Variants in NEK1 observed in about 807,000 individuals in gnomAD.
The protein encoded by NEK1 is serine/threonine-protein kinase Nek1.
In NEK1, 137 loss-of-function variants were observed where a neutral mutation model predicts 182.1. The ratio of observed to expected loss-of-function variants is 0.75; its 90% CI spans 0.65 to 0.87. The LOEUF is 0.87. Among genes scored for constraint, NEK1 ranks in the 40% least tolerant of loss-of-function variants. The probability of loss-of-function intolerance (pLI) is 0.00; values close to 1 mark genes in which losing one functional copy is unlikely to be tolerated. For synonymous variants in NEK1, 513 were observed against 492.2 expected, an observed-to-expected ratio of 1.04 and a Z score of -0.56; for missense variants, 1,391 against 1,494.4, an observed-to-expected ratio of 0.93 and a Z score of 1.14.
Position 169,565,817 on chromosome 4 carries a change from G to A in NEK1, c.1021-3621C>T, listed in dbSNP as rs1763587810. Among the ~76,000 whole-genome samples, 3 of 151,606 alleles carry A rather than the reference G, an allele frequency of 2.0e-5. No homozygotes were observed. In the South Asian group the frequency reaches 6.2e-4, roughly 31 times the overall value. On this transcript the variant is annotated intron_variant, in intron 12 of 35. Coordinates refer to ENST00000507142, the MANE Select transcript of NEK1 (RefSeq NM_001199397.3). ...GCTGCGGGGTTGGGGGAAGAATGGG[G>A]AGTGGCTGCTAATGGAAAAAGGATT...
chr4:169,500,710 T>C (rs1378562028), intron 23 of NEK1, among the ~76,000 whole-genome samples: 3 of 152,142 alleles, frequency 2.0e-5, no homozygotes, highest in African/African-American at 4.8e-5. Context: ...AGACAAGCAA[T>C]TGCTAAGAGA....
chr4:169,430,915 A>G (rs1418156598), intron 29 of NEK1, among the ~76,000 whole-genome samples: 3 of 152,008 alleles, frequency 2.0e-5, no homozygotes, highest in African/African-American at 7.2e-5. Flanking sequence ...TTTTTTGTAA[A>G]CTAAAATTGC....
At chr4:169,493,431 T>C (rs1044602093) in intron 23 of NEK1, among the ~76,000 whole-genome samples, 7 of 152,212 alleles carry the variant, frequency 4.6e-5, no homozygotes, top group Non-Finnish European at 7.3e-5. Flanking sequence ...TCCCTAGCCA[T>C]GGATCCTAAG....
chr4:169,572,096 G>A (rs1764961221), intron 12 of NEK1, among the ~76,000 whole-genome samples: 1 of 151,996 alleles, frequency 6.6e-6, no homozygotes, highest in Non-Finnish European at 1.5e-5. Context: ...TTTCAAGCAG[G>A]AGAGTGTAAC....
intron 35 of NEK1, among the ~76,000 whole-genome samples, chr4:169,399,559 A>G (rs1047230562): frequency 7.1e-6 from 1 of 140,002 alleles, no homozygotes; most frequent in Non-Finnish European, 1.5e-5. Context: ...CCTGGGCAAT[A>G]AGACTCTGTC....
At chr4:169,509,021 T>C (rs1231241914) in intron 19 of NEK1, among the ~76,000 whole-genome samples, 169 bp from the exon 20 acceptor site, 1 of 152,214 alleles carries the variant, frequency 6.6e-6, no homozygotes, top group Non-Finnish European at 1.5e-5. Context: ...TTGAAATATA[T>C]ATTTAGTGAG....
At chr4:169,543,361 C>A (rs1465876035) in intron 18 of NEK1, among the ~76,000 whole-genome samples, 1 of 152,108 alleles carries the variant, frequency 6.6e-6, no homozygotes, top group Non-Finnish European at 1.5e-5. Flanking sequence ...GTTTTGGTAC[C>A]AGTACCATGC....
intron 5 of NEK1, among the ~76,000 whole-genome samples, chr4:169,593,391 T>C (rs1350234471): frequency 6.6e-6 from 1 of 152,162 alleles, no homozygotes; most frequent in Non-Finnish European, 1.5e-5. Context: ...TATTGATCCA[T>C]ATCAAAGACT....
chr4:169,499,483 T>A (rs1561301288), intron 23 of NEK1, among the ~76,000 whole-genome samples: 1 of 152,188 alleles, frequency 6.6e-6, no homozygotes, highest in Non-Finnish European at 1.5e-5. Flanking sequence ...GCACTCTGAT[T>A]TTTAGAGTTT....
intron 19 of NEK1, among the ~76,000 whole-genome samples, chr4:169,511,312 A>G (rs1002832492): frequency 1.3e-5 from 2 of 152,066 alleles, no homozygotes; most frequent in African/African-American, 4.8e-5. Context: ...AGTTGGGGAG[A>G]TGAAGGAAAA....
At chr4:169,442,011 G>C (rs1010766778) in intron 27 of NEK1, among the ~76,000 whole-genome samples, 2 of 152,048 alleles carry the variant, frequency 1.3e-5, no homozygotes, top group African/African-American at 4.8e-5. Flanking sequence ...AAGGCCTGGA[G>C]ACTAGCCCTC....
chr4:169,462,219 TA>T (rs1202094683), intron 27 of NEK1, among the ~76,000 whole-genome samples: 4 of 151,958 alleles, frequency 2.6e-5, no homozygotes, highest in Admixed American at 1.3e-4. Flanking sequence ...TATTATTATT[TA>T]AAAAAATGTT....
intron 27 of NEK1, among the ~76,000 whole-genome samples, chr4:169,460,912 G>A (rs567955838): frequency 1.3e-5 from 2 of 152,166 alleles, no homozygotes; most frequent in African/African-American, 4.8e-5. Context: ...TGAGTGTAGT[G>A]TTCACACAAG....
rs192758829 is a variant in NEK1, at chr4:169,411,598, T to G, written c.3223-4851A>C. Among the ~76,000 whole-genome samples, 570 of 152,316 alleles carry G rather than the reference T, an allele frequency of 3.7e-3. 6 individuals are homozygous for G. The highest frequency in any genetic ancestry group is 0.012 in the African/African-American group (511 of 41,568). ...GCCTCGGCCTCCCACAGTGCTGAGA[T>G]TACAGGCGTGAGTCACTGCACACCG... On this transcript the variant is annotated intron_variant, in intron 31 of 35. Transcript: ENST00000507142.
intron 5 of NEK1, among the ~76,000 whole-genome samples, chr4:169,597,294 G>A (rs1360353553): frequency 1.3e-5 from 2 of 152,096 alleles, no homozygotes; most frequent in Non-Finnish European, 2.9e-5. Context: ...AACTTGATAA[G>A]TAGAGCAAGA....
chr4:169,610,744 T>A (rs1422960255), intron 2 of NEK1, among the ~76,000 whole-genome samples: 2 of 152,214 alleles, frequency 1.3e-5, no homozygotes, highest in African/African-American at 4.8e-5. Context: ...CATACTTAGG[T>A]TAAGCATTAA....
chr4:169,605,290 TG>T (rs1771154006), intron 2 of NEK1, among the ~76,000 whole-genome samples: 2 of 152,160 alleles, frequency 1.3e-5, no homozygotes, highest in South Asian at 2.1e-4. Context: ...CTGAACATTG[TG>T]GTTCTAACTC....
intron 5 of NEK1, among the ~76,000 whole-genome samples, chr4:169,598,449 T>G (rs17055034): frequency 0.072 from 10,821 of 150,908 alleles, 1,264 homozygotes; most frequent in African/African-American, 0.25. Context: ...TGAACTGAGC[T>G]TAAAAAAAAA....
chr4:169,483,470 A>G lies in NEK1; in HGVS notation c.2008-3936T>C, dbSNP rs1251384714. On this transcript the variant is annotated intron_variant, in intron 23 of 35. Transcript: ENST00000507142. ...AAATGCAGTATTTATGAAGCACAAT[A>G]AAACAAAGTATGCCTGTATTTATTT... Among the ~76,000 whole-genome samples, 4 of 152,238 alleles carry G rather than the reference A, an allele frequency of 2.6e-5. No individual in the cohort carries two copies. The East Asian group carries it at 5.8e-4, about 22-fold the overall frequency.
Sources: gnomAD v4.1 joint callset for allele counts (sites outside exome capture counted in the v4.1 genomes callset) on GRCh38, gnomAD v4.1.1 for gene constraint, MANE v1.5 for transcripts, NCBI Gene and HGNC (gene_info 2026-07-23, HGNC 2026-07-21) for gene names.